Variants in LRRTM4 observed in about 807,000 individuals in gnomAD.
The protein encoded by LRRTM4 is leucine-rich repeat transmembrane neuronal protein 4.
LRRTM4 carries 25 observed loss-of-function variants against 47.6 expected under a neutral mutation model. That is an observed-to-expected ratio of 0.53 (90% CI 0.38 to 0.73). The LOEUF (loss-of-function observed/expected upper bound fraction) is 0.73, where lower values mean the gene tolerates loss of function less well. Among genes scored for constraint, LRRTM4 ranks in the 30% least tolerant of loss-of-function variants. The probability of loss-of-function intolerance (pLI) is 0.00; values close to 1 mark genes in which losing one functional copy is unlikely to be tolerated. For synonymous variants in LRRTM4, 311 were observed against 269.5 expected (o/e 1.15, Z -1.51); for missense variants, 638 against 713.4 (o/e 0.89, Z 1.20).
At chr2:77,319,551 G>C (rs935031504) in intron 3 of LRRTM4, among the ~76,000 whole-genome samples, 3 of 152,180 alleles carry the variant, frequency 2.0e-5, no homozygotes, top group Non-Finnish European at 2.9e-5. Flanking sequence ...AGGAACCAGG[G>C]AGTTTTTGAA....
At chr2:77,015,502 T>C (rs1678032535) in intron 3 of LRRTM4, among the ~76,000 whole-genome samples, 1 of 152,004 alleles carries the variant, frequency 6.6e-6, no homozygotes, top group Admixed American at 6.6e-5. Flanking sequence ...ATTTTTGTAC[T>C]TCTAGTAGAT....
At chr2:77,140,124 C>G (rs1312400849) in intron 3 of LRRTM4, among the ~76,000 whole-genome samples, 1 of 152,018 alleles carries the variant, frequency 6.6e-6, no homozygotes, top group Non-Finnish European at 1.5e-5. Flanking sequence ...GAAAAAGCTA[C>G]TTTAAAGTTC....
intron 3 of LRRTM4, among the ~76,000 whole-genome samples, chr2:76,767,068 CT>C (rs1673485145): frequency 6.6e-6 from 1 of 152,040 alleles, no homozygotes; most frequent in African/African-American, 2.4e-5. Flanking sequence ...CCTGTTGTTT[CT>C]GTTTGAATTT....
chr2:77,408,546 ATAAT>A (rs1674299234), intron 3 of LRRTM4, among the ~76,000 whole-genome samples: 1 of 152,214 alleles, frequency 6.6e-6, no homozygotes, highest in Non-Finnish European at 1.5e-5. Context: ...CTGTTCACAA[ATAAT>A]TTTCATTTTG....
At chr2:77,263,756 TC>T (rs1675978960) in intron 3 of LRRTM4, among the ~76,000 whole-genome samples, 1 of 152,100 alleles carries the variant, frequency 6.6e-6, no homozygotes, top group African/African-American at 2.4e-5. Flanking sequence ...AAATTAAGCT[TC>T]TTTTACTGTA....
chr2:76,749,046 A>AT, intron 3 of LRRTM4, 130 bp from the exon 4 acceptor site: 1 of 673,566 alleles, frequency 1.5e-6, no homozygotes, highest in South Asian at 1.9e-5. Context: ...TCAACTACAA[A>AT]TAAACATTAA....
intron 3 of LRRTM4, among the ~76,000 whole-genome samples, chr2:77,465,316 A>G (rs1448384218): frequency 6.6e-6 from 1 of 152,220 alleles, no homozygotes; most frequent in Non-Finnish European, 1.5e-5. Context: ...CTGAAATTTC[A>G]TTCATTCACA....
intron 3 of LRRTM4, among the ~76,000 whole-genome samples, chr2:77,371,972 C>A (rs1232818557): frequency 6.6e-6 from 1 of 151,702 alleles, no homozygotes; most frequent in East Asian, 1.9e-4. Context: ...TCCCATGAAA[C>A]AAGACACATG....
At chr2:77,357,442 G>GA (rs912848399) in intron 3 of LRRTM4, among the ~76,000 whole-genome samples, 12 of 152,054 alleles carry the variant, frequency 7.9e-5, no homozygotes, top group African/African-American at 2.4e-4. Context: ...TCATTGCTTA[G>GA]AAAAATCCTT....
chr2:77,518,897 A>G lies in LRRTM4; in HGVS notation c.972T>C (p.Tyr324=), dbSNP rs1406585862. 4 of 1,605,932 alleles carry G rather than the reference A, an allele frequency of 2.5e-6. No homozygotes were observed. Among genetic ancestry groups the G allele is most frequent in the East Asian group, 2.2e-5 (1 of 44,660 alleles). The change falls in exon 3 of 4, where the codon TAT becomes TAC. Residue 324 remains tyrosine (Y), a synonymous_variant. Transcript: ENST00000409884. ...TATTTCCTTTGAAATTCTTAAGCCAATAAAATAAAGGACAAATGCTCCGAC... is the reference window on the plus strand; with the variant it reads ...TATTTCCTTTGAAATTCTTAAGCCAGTAAAATAAAGGACAAATGCTCCGAC... ...ECSRSICPLF[Y]WLKNFKGNKE...
At position 76,748,795 on chromosome 2, in the gene LRRTM4, T is replaced by C. The variant is rs1383300687; in HGVS notation, c.1673A>G (p.Asp558Gly). ...GCCCAGCTCCAGGCCGGGGCTTTCG[T>C]CCTGCTCTGGAGACACTGTCTCATA... ...KGYETVSPEQ[D>G]ESPGLELGRD... Residue 558 changes from aspartate (D) to glycine (G), a missense_variant, in exon 4 of 4, where the codon GAC (aspartate) becomes GGC (glycine). Coordinates refer to ENST00000409884, the MANE Select transcript of LRRTM4 (RefSeq NM_001134745.3). 3 of 1,614,036 alleles carry C rather than the reference T, an allele frequency of 1.9e-6. No homozygotes were observed. Among genetic ancestry groups the C allele is most frequent in the Non-Finnish European group, 2.5e-6 (3 of 1,179,900 alleles).
intron 3 of LRRTM4, among the ~76,000 whole-genome samples, chr2:77,236,296 C>A (rs986235725): frequency 2.6e-5 from 4 of 152,014 alleles, no homozygotes; most frequent in African/African-American, 7.2e-5. Flanking sequence ...TAATTGCATT[C>A]TTGATTTGGC....
intron 3 of LRRTM4, among the ~76,000 whole-genome samples, chr2:76,757,323 A>T (rs1673069244): frequency 6.6e-6 from 1 of 152,142 alleles, no homozygotes; most frequent in Non-Finnish European, 1.5e-5. Context: ...CCAAATTTTA[A>T]CTTTTAAGTC....
In LRRTM4 at chr2:76,836,178, A is replaced by G. The variant is rs559340585; in HGVS notation, c.1552-87262T>C. On this transcript the variant is annotated intron_variant, in intron 3 of 3. Coordinates refer to ENST00000409884, the MANE Select transcript of LRRTM4 (RefSeq NM_001134745.3). ...ATGCGGTAAAAAAAAAAAAAAAATAACAGTGAAGGAAACTACCTGAATATT... is the reference window on the plus strand; with the variant it reads ...ATGCGGTAAAAAAAAAAAAAAAATAGCAGTGAAGGAAACTACCTGAATATT... Among the ~76,000 whole-genome samples the G allele has an allele frequency of 6.7e-4, 102 of 151,402 alleles. 1 individual carries two copies. The highest frequency in any genetic ancestry group is 1.2e-3 in the Non-Finnish European group (79 of 67,776).
intron 3 of LRRTM4, among the ~76,000 whole-genome samples, chr2:76,797,377 C>T (rs11694950): frequency 0.02 from 3,106 of 151,796 alleles, 55 homozygotes; most frequent in Non-Finnish European, 0.031. Context: ...GCTTCATAAG[C>T]GAATGAGAAA....
At chr2:77,355,936 CA>C (rs369820104) in intron 3 of LRRTM4, among the ~76,000 whole-genome samples, 84 of 152,092 alleles carry the variant, frequency 5.5e-4, no homozygotes, top group African/African-American at 1.9e-3. Context: ...TTACAAACTA[CA>C]AAAAAATTAG....
chr2:76,874,044 A>G (rs1672712119), intron 3 of LRRTM4, among the ~76,000 whole-genome samples: 1 of 151,910 alleles, frequency 6.6e-6, no homozygotes, highest in Non-Finnish European at 1.5e-5. Context: ...CTCCCCCCAG[A>G]GCTTCATTCT....
At chr2:76,875,189 A>G (rs930044471) in intron 3 of LRRTM4, among the ~76,000 whole-genome samples, 3 of 152,142 alleles carry the variant, frequency 2.0e-5, no homozygotes, top group East Asian at 3.8e-4. Flanking sequence ...TAATGCACAT[A>G]TGAAGAGTCT....
intron 3 of LRRTM4, among the ~76,000 whole-genome samples, chr2:77,395,249 G>A (rs1673658296): frequency 6.6e-6 from 1 of 151,952 alleles, no homozygotes; most frequent in Non-Finnish European, 1.5e-5. Context: ...AGGAACTTCT[G>A]TTGATAAGGG....
Sources: gnomAD v4.1 joint callset for allele counts (sites outside exome capture counted in the v4.1 genomes callset) on GRCh38, gnomAD v4.1.1 for gene constraint, MANE v1.5 for transcripts, NCBI Gene and HGNC (gene_info 2026-07-23, HGNC 2026-07-21) for gene names.